The following DST variants were observed in gnomAD, a reference collection of about 807,000 sequenced individuals.
The protein encoded by DST is dystonin.
In DST, 253 loss-of-function variants were observed where a neutral mutation model predicts 875.2. That is an observed-to-expected ratio of 0.29 (90% CI 0.26 to 0.32). DST has a LOEUF of 0.32. DST is among the 10% of genes least tolerant of loss of function. DST has a pLI of 1.00. For missense variants in DST, 8,287 were observed against 9,111.6 expected (o/e 0.91, Z 3.68); for synonymous variants, 3,124 against 3,197.1 (o/e 0.98, Z 0.77).
chr6:56,870,063 C>G (rs1428890286), intron 3 of DST, among the ~76,000 whole-genome samples: 1 of 151,982 alleles, frequency 6.6e-6, no homozygotes, highest in Non-Finnish European at 1.5e-5. Context: ...CAAGCCTAGC[C>G]TCTAAAATTA....
rs2152506082 is a variant in DST at position 56,526,569 on chromosome 6, T to C, written c.17923-2A>G. ...GTTCTTAGCTTCCTTTTTCAGTTCC[T>C]GAAAACATACAAATAAGTTAGTAAC... On this transcript the variant is annotated splice_acceptor_variant, in intron 68 of 103. Coordinates refer to ENST00000680361, the MANE Select transcript of DST (RefSeq NM_001374736.1). LOFTEE classifies it high-confidence loss of function. 1.9e-6 allele frequency: 3 copies of C among 1,612,934 alleles called. No homozygotes were observed. Among genetic ancestry groups the C allele is most frequent in the Non-Finnish European group, 2.5e-6 (3 of 1,179,366 alleles).
intron 4 of DST, among the ~76,000 whole-genome samples, chr6:56,820,523 G>A (rs1202567549): frequency 6.6e-6 from 1 of 152,058 alleles, no homozygotes; most frequent in Non-Finnish European, 1.5e-5. Flanking sequence ...CTTTACACGA[G>A]TTTGTTTACA....
At chr6:56,881,299 C>G (rs906476198) in intron 3 of DST, among the ~76,000 whole-genome samples, 1 of 151,488 alleles carries the variant, frequency 6.6e-6, no homozygotes, top group African/African-American at 2.4e-5. Context: ...ATAGTGAAAC[C>G]GCATCTCTAC....
intron 55 of DST, 67 bp downstream of exon 55, chr6:56,568,402 A>G (rs2097719394): frequency 6.6e-7 from 1 of 1,508,634 alleles, no homozygotes; most frequent in Non-Finnish European, 8.9e-7. Flanking sequence ...AAAAAATAAC[A>G]TACACAAAAT....
Position 56,699,279 on chromosome 6 carries a change from G to A in DST, c.1047+374C>T, listed in dbSNP as rs1035970347. ...CTATCAAAGGAGGAAATAGTTGACA[G>A]TGCTAAGAACCTGTATTACTAAAAA... On this transcript the variant is annotated intron_variant, in intron 9 of 103. Transcript: ENST00000680361. Among the ~76,000 whole-genome samples the A allele has an allele frequency of 2.0e-5, 3 of 152,276 alleles. No individual in the cohort carries two copies. The South Asian group carries it at 6.2e-4, about 32-fold the overall frequency.
chr6:56,729,602 C>G (rs1589294225), intron 5 of DST, among the ~76,000 whole-genome samples: 1 of 138,544 alleles, frequency 7.2e-6, no homozygotes, highest in African/African-American at 2.7e-5. Flanking sequence ...AGCAAAACTC[C>G]ATCTCAAAAA....
At chr6:56,821,150 G>A (rs1234298037) in intron 4 of DST, among the ~76,000 whole-genome samples, 1 of 152,170 alleles carries the variant, frequency 6.6e-6, no homozygotes, top group African/African-American at 2.4e-5. Flanking sequence ...AGCAACTCAA[G>A]TCAATATCAA....
At chr6:56,936,596 C>G (rs1813127062) in intron 2 of DST, among the ~76,000 whole-genome samples, 1 of 151,898 alleles carries the variant, frequency 6.6e-6, no homozygotes, top group South Asian at 2.1e-4. Flanking sequence ...CTAAACAATA[C>G]CACAGGCAGG....
chr6:56,656,362 T>G (rs1413238563), intron 10 of DST, among the ~76,000 whole-genome samples: 3 of 152,258 alleles, frequency 2.0e-5, no homozygotes, highest in African/African-American at 7.2e-5. Flanking sequence ...TCCTCCCTTC[T>G]TATGCTCTCA....
At chr6:56,793,995 CA>C (rs919905776) in intron 4 of DST, among the ~76,000 whole-genome samples, 4 of 152,060 alleles carry the variant, frequency 2.6e-5, no homozygotes, top group African/African-American at 9.7e-5. Flanking sequence ...TGGTTGAAAC[CA>C]ACACAGTGTT....
At chr6:56,539,409 A>G (rs920654652) in intron 61 of DST, among the ~76,000 whole-genome samples, 2 of 152,242 alleles carry the variant, frequency 1.3e-5, no homozygotes, top group Non-Finnish European at 2.9e-5. Flanking sequence ...AGAAAAAGGC[A>G]TAACTAACAA....
At chr6:56,802,807 A>G (rs2099748779) in intron 4 of DST, among the ~76,000 whole-genome samples, 1 of 152,234 alleles carries the variant, frequency 6.6e-6, no homozygotes. Flanking sequence ...CCTGGAAGCC[A>G]GCCAAACCAA....
chr6:56,728,913 T>C (rs2099483819), intron 5 of DST, among the ~76,000 whole-genome samples: 1 of 151,840 alleles, frequency 6.6e-6, no homozygotes, highest in Non-Finnish European at 1.5e-5. Context: ...TACTGAAGTA[T>C]TTAGAGGTAA....
intron 36 of DST, chr6:56,619,546 TA>T: frequency 6.2e-7 from 1 of 1,613,664 alleles, no homozygotes; most frequent in Non-Finnish European, 8.5e-7. Context: ...TCTTCTCAGC[TA>T]CAGCATGTGC....
chr6:56,601,306 G>C, intron 44 of DST, 137 bp downstream of exon 44: 1 of 608,252 alleles, frequency 1.6e-6, no homozygotes, highest in Non-Finnish European at 2.9e-6. Context: ...ATACACTGTA[G>C]GATTTGTATG....
chr6:56,954,747 C>A lies in DST; in HGVS notation c.-160G>T, dbSNP rs1824346469. 9.4e-6 allele frequency: 2 copies of A among 213,520 alleles called. No individual in the cohort carries two copies. The highest frequency in any genetic ancestry group is 1.7e-5 in the Non-Finnish European group (2 of 120,678). The allele number at this position is 213,520 out of a possible 1,614,324, so 13.2% of individuals were successfully genotyped here. ...GCGCCCAGCCCAATGGCTGCGCACC[C>A]CGCGCCAGCCGCGCTACGCGAGTGA... is the stretch of plus-strand genomic sequence containing the variant. On this transcript the variant is annotated 5_prime_UTR_variant, in exon 1 of 104. Coordinates refer to ENST00000680361, the MANE Select transcript of DST (RefSeq NM_001374736.1).
chr6:56,690,286 GAT>G (rs1554628826), intron 9 of DST, among the ~76,000 whole-genome samples: 1 of 152,102 alleles, frequency 6.6e-6, no homozygotes, highest in Non-Finnish European at 1.5e-5. Context: ...CAAATGACGC[GAT>G]GTGTCTGAAA....
Position 56,704,373 on chromosome 6 carries a change from T to C in DST, c.688-4A>G. ...GATCATTCACATGTTTTCGAACCTA[T>C]AAAGAGAAAAGCAAAATTTGGGGTC... On this transcript the variant is annotated splice_region_variant and splice_polypyrimidine_tract_variant and intron_variant, in intron 5 of 103. Transcript: ENST00000680361. 1.3e-6 allele frequency: 2 copies of C among 1,521,716 alleles called. No homozygotes were observed. The highest frequency in any genetic ancestry group is 1.8e-6 in the Non-Finnish European group (2 of 1,127,778). 94.3% of individuals were successfully genotyped at this position (1,521,716 alleles called of 1,614,324 possible). A position where few individuals can be genotyped will look rare whatever the true frequency, so the allele number is the denominator to read the frequency against.
At position 56,462,990 on chromosome 6, in the gene DST, G is replaced by A. The variant is rs1055472560; in HGVS notation, c.23070+56C>T. 6.0e-6 allele frequency: 6 copies of A among 999,268 alleles called. No homozygotes were observed. The African/African-American group carries it at 9.6e-5, about 16-fold the overall frequency. The allele number at this position is 999,268 out of a possible 1,614,324, so 61.9% of individuals were successfully genotyped here. On this transcript the variant is annotated intron_variant, in intron 102 of 103. Transcript: ENST00000680361. ...GGGAGTGGTGCAACGATGTTAGTGA[G>A]TGATAGCTTCAGTTAAAGGAGAATG...
Sources: allele counts gnomAD v4.1 joint callset (sites outside exome capture counted in the v4.1 genomes callset), GRCh38; gene constraint gnomAD v4.1.1; transcripts MANE v1.5; gene names NCBI Gene and HGNC (gene_info 2026-07-23, HGNC 2026-07-21).